The following FNTB variants were observed in gnomAD, a reference collection of about 807,000 sequenced individuals.
The protein encoded by FNTB is protein farnesyltransferase subunit beta.
A neutral mutation model predicts 59.4 loss-of-function variants in FNTB; 27 were observed. That is an observed-to-expected ratio of 0.45 (90% CI 0.34 to 0.63). The LOEUF (loss-of-function observed/expected upper bound fraction) is 0.63, where lower values mean the gene tolerates loss of function less well. FNTB is among the 20% of genes least tolerant of loss of function. The probability of loss-of-function intolerance (pLI) is 0.02; values close to 1 mark genes in which losing one functional copy is unlikely to be tolerated. For synonymous variants in FNTB, 230 were observed against 220.7 expected (o/e 1.04, Z -0.37); for missense variants, 449 against 559.6 (o/e 0.80, Z 1.99).
Position 65,023,891 on chromosome 14 carries a change from G to A in FNTB, c.375-3562G>A, listed in dbSNP as rs2061931701. On this transcript the variant is annotated intron_variant, in intron 4 of 11. Transcript: ENST00000246166. This position sits in a 1 kb window ranked among gnomAD's most constrained non-coding sequence, Gnocchi z 4.1. ...CAAGGCGGGCGGATTGTCTGAGCTC[G>A]GGAGTTCGAGACCAGCCTGGGCAAC... Among the ~76,000 whole-genome samples the A allele has an allele frequency of 6.6e-6, 1 of 151,986 alleles. No individual in the cohort carries two copies. Among genetic ancestry groups the A allele is most frequent in the Non-Finnish European group, 1.5e-5 (1 of 67,986 alleles).
chr14:65,058,787 C>T (rs1263380452), intron 11 of FNTB, among the ~76,000 whole-genome samples: 2 of 152,058 alleles, frequency 1.3e-5, no homozygotes, highest in Non-Finnish European at 2.9e-5. Context: ...AGGATAAGCC[C>T]TTCTTGGTCA....
rs139098524 is a variant in FNTB at position 65,011,041 on chromosome 14, A to G, written c.210-1276A>G. Among the ~76,000 whole-genome samples, 317 of 152,288 alleles carry G rather than the reference A, an allele frequency of 2.1e-3. 1 individual carries two copies. Among genetic ancestry groups the G allele is most frequent in the African/African-American group, 7.4e-3 (306 of 41,562 alleles). ...TATCCCCTCCCTTTTGAGCCTCAGT[A>G]GTATGTTTTTCCCTTGCAAAACCTA... On this transcript the variant is annotated intron_variant, in intron 2 of 11. Coordinates refer to ENST00000246166, the MANE Select transcript of FNTB (RefSeq NM_002028.4). This position sits in a 1 kb window ranked among gnomAD's most constrained non-coding sequence, Gnocchi z 4.0.
intron 10 of FNTB, 32 bp downstream of exon 10, chr14:65,053,381 G>A (rs758037610): frequency 1.2e-5 from 17 of 1,382,756 alleles, no homozygotes; most frequent in Admixed American, 2.9e-5. Flanking sequence ...AGGGAAGGGA[G>A]AGGGGAGGAG....
At position 64,991,490 on chromosome 14, in the gene FNTB, G is replaced by A. The variant is rs755913060; in HGVS notation, c.144+4393G>A. Among the ~76,000 whole-genome samples, 1 of 152,094 alleles carries A rather than the reference G, an allele frequency of 6.6e-6. No individual in the cohort carries two copies. Among genetic ancestry groups the A allele is most frequent in the Non-Finnish European group, 1.5e-5 (1 of 68,022 alleles). On this transcript the variant is annotated intron_variant, in intron 1 of 11. Transcript: ENST00000246166. The surrounding 1 kb of genome is among the most constrained non-coding windows in gnomAD (Gnocchi z 4.4). Reference sequence around the variant, plus strand: ...GTGGTGGTGTGCACCTGTAATACCAGCTACTCAGGACACTGAGGCAGGTGA... The same window carrying A: ...GTGGTGGTGTGCACCTGTAATACCAACTACTCAGGACACTGAGGCAGGTGA...
intron 2 of FNTB, among the ~76,000 whole-genome samples, chr14:65,005,745 A>G (rs991386482): frequency 6.6e-6 from 1 of 152,126 alleles, no homozygotes; most frequent in South Asian, 2.1e-4. Flanking sequence ...GAATCCTTTC[A>G]GTGCAGCCTC....
Position 65,027,230 on chromosome 14 carries a change from C to T in FNTB, c.375-223C>T, listed in dbSNP as rs772464470. On this transcript the variant is annotated intron_variant, in intron 4 of 11. Transcript: ENST00000246166. This position sits in a 1 kb window ranked among gnomAD's most constrained non-coding sequence, Gnocchi z 5.7. ...TGTTCCCTGCTTCATGACCAACAAGCGCTTAAGTACGAAACTCAGAGGAGG... is the reference window on the plus strand; with the variant it reads ...TGTTCCCTGCTTCATGACCAACAAGTGCTTAAGTACGAAACTCAGAGGAGG... 2.0e-5 allele frequency among the ~76,000 whole-genome samples: 3 copies of T among 152,104 alleles called. No individual in the cohort carries two copies. The highest frequency in any genetic ancestry group is 4.4e-5 in the Non-Finnish European group (3 of 68,014).
chr14:65,026,432 A>T (rs558610142), intron 4 of FNTB, among the ~76,000 whole-genome samples: 2 of 152,212 alleles, frequency 1.3e-5, no homozygotes, highest in African/African-American at 4.8e-5. Context: ...AGAATTCTCC[A>T]AGAACCCGCA....
In FNTB at chr14:65,054,340, G is replaced by T. The variant is rs1002946659; in HGVS notation, c.1068-235G>T. Among the ~76,000 whole-genome samples the T allele has an allele frequency of 6.6e-6, 1 of 151,758 alleles. No individual in the cohort carries two copies. Among genetic ancestry groups the T allele is most frequent in the Non-Finnish European group, 1.5e-5 (1 of 67,982 alleles). ...TGCCCAAGTTGGTTTTGAACTCCTG[G>T]CCTCAAACCGTTCTCTTGCCTCAGC... On this transcript the variant is annotated intron_variant, in intron 10 of 11. Coordinates refer to ENST00000246166, the MANE Select transcript of FNTB (RefSeq NM_002028.4). The surrounding 1 kb of genome is among the most constrained non-coding windows in gnomAD (Gnocchi z 4.4).
Position 65,007,629 on chromosome 14 carries a change from A to G in FNTB, c.209+3316A>G, listed in dbSNP as rs1053673275. ...ACTGTCTACCTGGAGTGAGGTAGTC[A>G]GTCCCAAGGAGCTTTTTGACCATGC... On this transcript the variant is annotated intron_variant, in intron 2 of 11. Coordinates refer to ENST00000246166, the MANE Select transcript of FNTB (RefSeq NM_002028.4). The surrounding 1 kb of genome is among the most constrained non-coding windows in gnomAD (Gnocchi z 4.9). 6.6e-6 allele frequency among the ~76,000 whole-genome samples: 1 copy of G among 152,198 alleles called. No individual in the cohort carries two copies. The highest frequency in any genetic ancestry group is 2.4e-5 in the African/African-American group (1 of 41,446).
chr14:64,998,531 G>A (rs186409866), intron 1 of FNTB, among the ~76,000 whole-genome samples: 1 of 152,318 alleles, frequency 6.6e-6, no homozygotes, highest in East Asian at 1.9e-4. Flanking sequence ...GTAAGGTTGT[G>A]ATGACCTTTG....
intron 7 of FNTB, among the ~76,000 whole-genome samples, chr14:65,034,834 ATGT>A (rs2062154366): frequency 6.6e-6 from 1 of 152,020 alleles, no homozygotes; most frequent in Non-Finnish European, 1.5e-5. Flanking sequence ...GTGCTGAGTG[ATGT>A]TGTGTTGTGT....
At position 65,028,825 on chromosome 14, in the gene FNTB, C is replaced by G. The variant is rs1002982719; in HGVS notation, c.605+1044C>G. 3.3e-5 allele frequency among the ~76,000 whole-genome samples: 5 copies of G among 152,122 alleles called. No homozygotes were observed. The highest frequency in any genetic ancestry group is 1.2e-4 in the African/African-American group (5 of 41,430). On this transcript the variant is annotated intron_variant, in intron 6 of 11. Transcript: ENST00000246166. The surrounding 1 kb of genome is among the most constrained non-coding windows in gnomAD (Gnocchi z 4.4). ...AAATGTTAAAAGAGTTTTTTTCCCT[C>G]GTGTTCACTACATTTTCGTTCCTGT...
At chr14:65,043,577 C>T (rs2062399903) in intron 8 of FNTB, among the ~76,000 whole-genome samples, 2 of 152,012 alleles carry the variant, frequency 1.3e-5, no homozygotes, top group African/African-American at 2.4e-5. Context: ...AATCCCAGCA[C>T]TTTGGGAGGC....
In FNTB at chr14:65,005,511, TTC is replaced by T. The variant is rs1203588955; in HGVS notation, c.209+1208_209+1209del. ...TTTCTTTCTTTCTTTCTTTCTTTCT[TTC>T]TCTCTCTCTTTCTCTTTCTCTTTCT... On this transcript the variant is annotated intron_variant, in intron 2 of 11. Coordinates refer to ENST00000246166, the MANE Select transcript of FNTB (RefSeq NM_002028.4). 7.6e-4 allele frequency among the ~76,000 whole-genome samples: 49 copies of T among 64,448 alleles called. 1 individual carries two copies. Among genetic ancestry groups the T allele is most frequent in the African/African-American group, 2.9e-3 (38 of 13,118 alleles). The allele number at this position is 64,448 out of a possible 152,430, so 42.3% of individuals were successfully genotyped here.
At chr14:65,005,471 TTCTTTCTTTC>T (rs2061568240) in intron 2 of FNTB, among the ~76,000 whole-genome samples, 2 of 133,110 alleles carry the variant, frequency 1.5e-5, no homozygotes, top group South Asian at 2.5e-4. Context: ...CTTTCTTTCT[TTCTTTCTTTC>T]TTTCTTTCTT....
At chr14:65,006,370 G>A (rs1248199200) in intron 2 of FNTB, 2 of 1,558,766 alleles carry the variant, frequency 1.3e-6, no homozygotes, top group Admixed American at 2.0e-5. Flanking sequence ...TTAACCCAAT[G>A]CTCTGACCTC....
rs1303233428 is a variant in FNTB at position 65,009,884 on chromosome 14, T to C, written c.210-2433T>C. Among the ~76,000 whole-genome samples the C allele has an allele frequency of 2.6e-5, 4 of 152,156 alleles. No individual in the cohort carries two copies. The highest frequency in any genetic ancestry group is 4.4e-5 in the Non-Finnish European group (3 of 68,026). On this transcript the variant is annotated intron_variant, in intron 2 of 11. Coordinates refer to ENST00000246166, the MANE Select transcript of FNTB (RefSeq NM_002028.4). The surrounding 1 kb of genome is among the most constrained non-coding windows in gnomAD (Gnocchi z 4.2). ...TTATTGGACAGGGCTCTGCTTGTCATTTTCACATGTGTGTCCACCTCTGGA... is the reference window on the plus strand; with the variant it reads ...TTATTGGACAGGGCTCTGCTTGTCACTTTCACATGTGTGTCCACCTCTGGA...
chr14:65,006,256 G>A (rs2061588010), intron 2 of FNTB: 1 of 1,612,982 alleles, frequency 6.2e-7, no homozygotes, highest in African/African-American at 1.3e-5. Context: ...AGGAAAGACA[G>A]GTGGGAGGGT....
intron 9 of FNTB, 25 bp from the exon 10 acceptor site, chr14:65,053,213 T>C: frequency 7.4e-7 from 1 of 1,356,244 alleles, no homozygotes; most frequent in Non-Finnish European, 9.6e-7. Context: ...TGCCGGGCCC[T>C]TACTGACCCT....
Sources: gnomAD v4.1 joint callset for allele counts (sites outside exome capture counted in the v4.1 genomes callset) on GRCh38, gnomAD v4.1.1 for gene constraint, Gnocchi (gnomAD v3.1) non-coding constraint, MANE v1.5 for transcripts, NCBI Gene and HGNC (gene_info 2026-07-23, HGNC 2026-07-21) for gene names.